The following TMOD3 variants were observed in gnomAD, a reference collection of about 807,000 sequenced individuals.
The protein encoded by TMOD3 is tropomodulin 3.
TMOD3 carries 20 observed loss-of-function variants against 39.2 expected under a neutral mutation model. That is an observed-to-expected ratio of 0.51 (90% CI 0.36 to 0.74). TMOD3 has a LOEUF of 0.74. Ranked by LOEUF, TMOD3 falls within the 30% of genes least tolerant of loss-of-function variation. TMOD3 has a pLI of 0.00. For missense variants in TMOD3, 381 were observed against 412.8 expected, an observed-to-expected ratio of 0.92 and a Z score of 0.67; for synonymous variants, 143 against 145.8, an observed-to-expected ratio of 0.98 and a Z score of 0.14.
intron 1 of TMOD3, among the ~76,000 whole-genome samples, chr15:51,852,518 G>A (rs2056367547): frequency 6.6e-6 from 1 of 152,116 alleles, no homozygotes. Context: ...AGATTAGACA[G>A]CAGAGAACTC....
intron 1 of TMOD3, among the ~76,000 whole-genome samples, chr15:51,841,527 C>G (rs1285247312): frequency 1.3e-5 from 2 of 152,134 alleles, no homozygotes; most frequent in Non-Finnish European, 2.9e-5. Flanking sequence ...TCTAAAGAAC[C>G]TATCCCAAAG....
intron 1 of TMOD3, among the ~76,000 whole-genome samples, chr15:51,834,148 G>A (rs2056269551): frequency 6.6e-6 from 1 of 152,016 alleles, no homozygotes; most frequent in Admixed American, 6.6e-5. Context: ...TTTATTGTTT[G>A]TAGGAGCTCT....
At chr15:51,893,772 A>AC in intron 5 of TMOD3, 43 bp from the exon 6 acceptor site, 1 of 1,464,734 alleles carries the variant, frequency 6.8e-7, no homozygotes, top group Non-Finnish European at 9.1e-7. Context: ...CTCAAAAAAA[A>AC]AAAAATGGTA....
intron 7 of TMOD3, among the ~76,000 whole-genome samples, chr15:51,897,208 A>G (rs2056625281): frequency 6.6e-6 from 1 of 152,038 alleles, no homozygotes. Flanking sequence ...CTCAGTCTAC[A>G]CTGACTTTCT....
chr15:51,906,447 A>T (rs1382951446), intron 9 of TMOD3, among the ~76,000 whole-genome samples: 2 of 152,212 alleles, frequency 1.3e-5, no homozygotes, highest in African/African-American at 2.4e-5. Flanking sequence ...TATTCATTGA[A>T]ATAATTCTAC....
At chr15:51,870,252 T>A (rs1422592828) in intron 3 of TMOD3, among the ~76,000 whole-genome samples, 2 of 152,168 alleles carry the variant, frequency 1.3e-5, no homozygotes, top group African/African-American at 4.8e-5. Flanking sequence ...GCTGTGTTTT[T>A]AAAAGTTCTA....
intron 3 of TMOD3, among the ~76,000 whole-genome samples, chr15:51,882,948 A>G (rs1456826929): frequency 2.0e-5 from 3 of 152,222 alleles, no homozygotes; most frequent in Non-Finnish European, 2.9e-5. Flanking sequence ...TTACAAAATT[A>G]ATTTCTTTAC....
At chr15:51,882,290 G>A (rs904706073) in intron 3 of TMOD3, among the ~76,000 whole-genome samples, 1 of 151,918 alleles carries the variant, frequency 6.6e-6, no homozygotes, top group Non-Finnish European at 1.5e-5. Flanking sequence ...TGTAATCCCA[G>A]CACTTTGGGA....
chr15:51,850,490 C>A (rs996337265), intron 1 of TMOD3, among the ~76,000 whole-genome samples: 2 of 151,842 alleles, frequency 1.3e-5, no homozygotes, highest in African/African-American at 4.8e-5. Context: ...AAGGTAAGGT[C>A]ATCAGAGAGT....
chr15:51,847,745 A>G (rs1310345456), intron 1 of TMOD3, among the ~76,000 whole-genome samples: 1 of 152,190 alleles, frequency 6.6e-6, no homozygotes, highest in Non-Finnish European at 1.5e-5. Context: ...CCCCATCTCT[A>G]TCCTCCTCCA....
At chr15:51,901,091 A>T (rs2056647807) in intron 8 of TMOD3, 1 of 152,252 alleles carries the variant, frequency 6.6e-6, no homozygotes, top group Non-Finnish European at 1.5e-5. Flanking sequence ...ATATCTGTGG[A>T]ATCAAACAAT....
chr15:51,896,842 G>C (rs1355080867), intron 7 of TMOD3, among the ~76,000 whole-genome samples: 1 of 152,086 alleles, frequency 6.6e-6, no homozygotes, highest in Non-Finnish European at 1.5e-5. Flanking sequence ...AATACATAGG[G>C]ATCTACCACA....
At chr15:51,908,746 CT>C in intron 9 of TMOD3, 29 bp from the exon 10 acceptor site, 1 of 1,572,204 alleles carries the variant, frequency 6.4e-7, no homozygotes, top group Non-Finnish European at 8.6e-7. Context: ...ATAGGGATTT[CT>C]AACATAGTTT....
chr15:51,865,553 G>T (rs1294791115), intron 2 of TMOD3, among the ~76,000 whole-genome samples: 1 of 152,106 alleles, frequency 6.6e-6, no homozygotes, highest in Non-Finnish European at 1.5e-5. Flanking sequence ...GTGTGGGGAG[G>T]CTTGAGTAAC....
intron 1 of TMOD3, among the ~76,000 whole-genome samples, chr15:51,838,034 G>A (rs7170910): frequency 0.36 from 55,200 of 152,030 alleles, 10,364 homozygotes; most frequent in Admixed American, 0.42. Context: ...GTAATGAACC[G>A]TGTGATGTAA....
chr15:51,871,533 G>GA (rs1392800733), intron 3 of TMOD3, among the ~76,000 whole-genome samples: 3 of 152,166 alleles, frequency 2.0e-5, no homozygotes, highest in Non-Finnish European at 2.9e-5. Flanking sequence ...ATAAGAAGGA[G>GA]AAAAAATAAG....
intron 7 of TMOD3, among the ~76,000 whole-genome samples, chr15:51,897,571 GC>G (rs1385585913): frequency 2.9e-5 from 4 of 136,768 alleles, no homozygotes; most frequent in Non-Finnish European, 6.1e-5. Context: ...TGCAACCTCC[GC>G]CTCCCGGGTT....
intron 2 of TMOD3, 49 bp downstream of exon 2, chr15:51,863,059 GA>G: frequency 6.3e-7 from 1 of 1,578,082 alleles, no homozygotes; most frequent in Non-Finnish European, 8.6e-7. Context: ...CGAATTCTTT[GA>G]AACTCAGTAG....
At chr15:51,834,214 T>G (rs1470640120) in intron 1 of TMOD3, among the ~76,000 whole-genome samples, 5 of 150,944 alleles carry the variant, frequency 3.3e-5, no homozygotes, top group Admixed American at 6.6e-5. Flanking sequence ...GTGTTGACAG[T>G]TTTTTTTTAT....
Sources: gnomAD v4.1 joint callset for allele counts (sites outside exome capture counted in the v4.1 genomes callset) on GRCh38, gnomAD v4.1.1 for gene constraint, MANE v1.5 for transcripts, NCBI Gene and HGNC (gene_info 2026-07-23, HGNC 2026-07-21) for gene names.